The following SLC35F4 variants were observed in gnomAD, a reference collection of about 807,000 sequenced individuals.
SLC35F4 encodes solute carrier family 35 member F4.
Under a neutral mutation model 44.2 loss-of-function variants are expected in SLC35F4, and 24 were observed. The ratio of observed to expected loss-of-function variants is 0.54; its 90% CI spans 0.39 to 0.76. The LOEUF (loss-of-function observed/expected upper bound fraction) is 0.76, where lower values mean the gene tolerates loss of function less well. Among genes scored for constraint, SLC35F4 ranks in the 30% least tolerant of loss-of-function variants. The probability of loss-of-function intolerance (pLI) is 0.00; values close to 1 mark genes in which losing one functional copy is unlikely to be tolerated. For synonymous variants in SLC35F4, 238 were observed against 223.6 expected (o/e 1.06, Z -0.57); for missense variants, 562 against 586.1 (o/e 0.96, Z 0.42).
chr14:57,852,540 C>G (rs1886674014), intron 1 of SLC35F4, among the ~76,000 whole-genome samples: 2 of 152,172 alleles, frequency 1.3e-5, no homozygotes, highest in South Asian at 4.1e-4. Context: ...CAGATGTGGA[C>G]TAGAAAGGAA....
intron 1 of SLC35F4, among the ~76,000 whole-genome samples, chr14:57,766,754 A>G (rs1041667375): frequency 4.6e-5 from 7 of 152,200 alleles, no homozygotes; most frequent in Non-Finnish European, 1.0e-4. Context: ...ATTCAAGCAG[A>G]ATTAAAAGTG....
chr14:57,909,304 T>G (rs2141050265), intron 1 of SLC35F4, among the ~76,000 whole-genome samples: 1 of 152,244 alleles, frequency 6.6e-6, no homozygotes, highest in East Asian at 1.9e-4. Context: ...AATCCATAGT[T>G]TACATTACGG....
intron 1 of SLC35F4, among the ~76,000 whole-genome samples, chr14:57,634,794 G>A (rs990257852): frequency 6.6e-6 from 1 of 152,106 alleles, no homozygotes; most frequent in Non-Finnish European, 1.5e-5. Context: ...ATGGAGGAGA[G>A]AGTTCAGGTG....
rs143507650 is a variant in SLC35F4 at position 57,876,784 on chromosome 14, T to C, written n.282+105129A>G. Among the ~76,000 whole-genome samples the C allele has an allele frequency of 5.9e-5, 9 of 152,302 alleles. No homozygotes were observed. The East Asian group carries it at 1.3e-3, about 23-fold the overall frequency. On this transcript the variant is annotated intron_variant and non_coding_transcript_variant, in intron 1 of 1. Coordinates refer to the SLC35F4 transcript ENST00000556568. ...AGCAACATTGGATATATACAAAGTA[T>C]ATGCACTTCAGATCAGGGACCCCTT...
chr14:57,771,827 C>A (rs2077371524), intron 1 of SLC35F4, among the ~76,000 whole-genome samples: 1 of 152,214 alleles, frequency 6.6e-6, no homozygotes, highest in African/African-American at 2.4e-5. Flanking sequence ...CGCCTGCGCT[C>A]AAGCACTCTT....
At chr14:57,756,436 G>A (rs1365445051) in intron 1 of SLC35F4, among the ~76,000 whole-genome samples, 1 of 151,988 alleles carries the variant, frequency 6.6e-6, no homozygotes, top group Non-Finnish European at 1.5e-5. Context: ...AATGGAAGCA[G>A]AAAACATACT....
At chr14:57,645,681 G>A (rs1285281665) in intron 1 of SLC35F4, among the ~76,000 whole-genome samples, 2 of 151,206 alleles carry the variant, frequency 1.3e-5, no homozygotes, top group Non-Finnish European at 3.0e-5. Flanking sequence ...TGGTGAGAGA[G>A]GGCATCCCTG....
chr14:57,655,423 G>A (rs552153586), intron 1 of SLC35F4, among the ~76,000 whole-genome samples: 65 of 152,126 alleles, frequency 4.3e-4, no homozygotes, highest in African/African-American at 1.5e-3. Flanking sequence ...TACCCACGTT[G>A]TCTAGGGTAC....
At chr14:57,570,107 C>T (rs2068422120) in intron 5 of SLC35F4, 127 bp from the exon 6 acceptor site, 22 of 768,044 alleles carry the variant, frequency 2.9e-5, no homozygotes, top group Non-Finnish European at 4.2e-5. Flanking sequence ...GCCCTGACAT[C>T]TTCACAGCAC....
chr14:57,917,068 G>A (rs977281345), intron 1 of SLC35F4, among the ~76,000 whole-genome samples: 5 of 151,788 alleles, frequency 3.3e-5, no homozygotes, highest in African/African-American at 1.2e-4. Flanking sequence ...GTTTTGAGAC[G>A]GAGTCTTGCT....
chr14:57,923,863 A>G (rs1889491538), intron 1 of SLC35F4, among the ~76,000 whole-genome samples: 2 of 152,340 alleles, frequency 1.3e-5, no homozygotes, highest in East Asian at 1.9e-4. Context: ...GAGGCTAGTG[A>G]TATGGTTCGG....
intron 1 of SLC35F4, among the ~76,000 whole-genome samples, chr14:57,741,772 T>A (rs1203751964): frequency 6.6e-6 from 1 of 152,072 alleles, no homozygotes; most frequent in East Asian, 1.9e-4. Context: ...CACATAATTG[T>A]CAGATTCACC....
intron 1 of SLC35F4, among the ~76,000 whole-genome samples, chr14:57,956,320 C>T (rs1472232487): frequency 6.6e-6 from 1 of 152,192 alleles, no homozygotes; most frequent in Non-Finnish European, 1.5e-5. Context: ...AAACGTAAGA[C>T]CTAAAACCAT....
intron 6 of SLC35F4, among the ~76,000 whole-genome samples, chr14:57,567,449 G>C (rs1279420058): frequency 2.0e-5 from 3 of 152,186 alleles, no homozygotes; most frequent in Non-Finnish European, 4.4e-5. Context: ...AGTTCTAGAA[G>C]CATTCGAATA....
At chr14:57,764,638 T>C (rs987841030) in intron 1 of SLC35F4, among the ~76,000 whole-genome samples, 3 of 152,220 alleles carry the variant, frequency 2.0e-5, no homozygotes, top group Admixed American at 6.5e-5. Flanking sequence ...CAGAATAATA[T>C]AGCATTTAAA....
chr14:57,635,946 C>T (rs1411590305), intron 1 of SLC35F4, among the ~76,000 whole-genome samples: 2 of 152,242 alleles, frequency 1.3e-5, no homozygotes, highest in East Asian at 3.9e-4. Context: ...GGAGCCTTAA[C>T]TCATAACTTC....
intron 1 of SLC35F4, among the ~76,000 whole-genome samples, chr14:57,978,370 C>T (rs570256348): frequency 6.6e-6 from 1 of 152,276 alleles, no homozygotes; most frequent in African/African-American, 2.4e-5. Flanking sequence ...CCTTCCTGCC[C>T]ACAGTGCCTA....
chr14:57,582,677 T>A (rs768480295), intron 3 of SLC35F4, among the ~76,000 whole-genome samples: 1 of 152,230 alleles, frequency 6.6e-6, no homozygotes, highest in African/African-American at 2.4e-5. Context: ...ATGGGGTAAC[T>A]GTCATGCTCC....
chr14:57,686,358 G>T (rs894863375), intron 1 of SLC35F4, among the ~76,000 whole-genome samples: 1 of 152,144 alleles, frequency 6.6e-6, no homozygotes, highest in Non-Finnish European at 1.5e-5. Flanking sequence ...TCTCTTTAAA[G>T]GATGCTATTT....
Sources: allele counts gnomAD v4.1 joint callset (sites outside exome capture counted in the v4.1 genomes callset), GRCh38; gene constraint gnomAD v4.1.1; transcripts MANE v1.5; gene names NCBI Gene and HGNC (gene_info 2026-07-23, HGNC 2026-07-21).